TSPAN1: variants seen among roughly 807,000 people sequenced by gnomAD.
The protein encoded by TSPAN1 is tetraspanin 1.
In TSPAN1, 23 loss-of-function variants were observed where a neutral mutation model predicts 26.9. The ratio of observed to expected loss-of-function variants is 0.85; its 90% CI spans 0.62 to 1.21. The LOEUF (loss-of-function observed/expected upper bound fraction) is 1.21. TSPAN1 is among the 50% of genes most tolerant of loss of function. The pLI, the probability that TSPAN1 is intolerant of heterozygous loss-of-function variation, is 0.00. For missense variants in TSPAN1, 283 were observed against 298.4 expected (o/e 0.95, Z 0.38); for synonymous variants, 115 against 114.8 (o/e 1.00, Z -0.01).
chr1:46,185,607 TG>T lies in TSPAN1; in HGVS notation c.*79del. ...AGGCACCCTGGCAAGCAGCAGTGAT[TG>T]GGGGAGGGGACAGGATCTAACAATG... is the stretch of plus-strand genomic sequence containing the variant. On this transcript the variant is annotated 3_prime_UTR_variant, in exon 9 of 9. Transcript: ENST00000372003. 3.3e-6 allele frequency: 5 copies of T among 1,529,706 alleles called. No individual in the cohort carries two copies. Among genetic ancestry groups the T allele is most frequent in the South Asian group, 1.1e-5 (1 of 88,180 alleles). The allele number at this position is 1,529,706 out of a possible 1,614,324, so 94.8% of individuals were successfully genotyped here. A position where few individuals can be genotyped will look rare whatever the true frequency, so the allele number is the denominator to read the frequency against.
At chr1:46,187,907 A>G (rs1205111031), downstream of TSPAN1, among the ~76,000 whole-genome samples, 1 of 152,196 alleles carries the variant, frequency 6.6e-6, no homozygotes, top group African/African-American at 2.4e-5. Context: ...CTGGAGTTCC[A>G]GCTGGAGTTC....
chr1:46,189,646 C>T (rs901088791), downstream of TSPAN1: 4 of 1,558,888 alleles, frequency 2.6e-6, no homozygotes, highest in Non-Finnish European at 3.5e-6. Context: ...TTGGCCCAGC[C>T]CCCACCCCTC....
At chr1:46,177,047 A>G (rs561832903) in intron 1 of TSPAN1, among the ~76,000 whole-genome samples, 1 of 152,198 alleles carries the variant, frequency 6.6e-6, no homozygotes, top group East Asian at 1.9e-4. Context: ...TTTAATATAT[A>G]TTGTTGGCCA....
the TSPAN1 span, chr1:46,194,540 C>G: frequency 6.2e-7 from 1 of 1,614,182 alleles, no homozygotes; most frequent in Non-Finnish European, 8.5e-7. Context: ...CATCCATGCT[C>G]CACTAACTCC....
downstream of TSPAN1, chr1:46,189,139 A>G: frequency 6.7e-7 from 1 of 1,493,072 alleles, no homozygotes; most frequent in Admixed American, 2.5e-5. Context: ...GGAGTTAGTA[A>G]TTAAGTCTCA....
chr1:46,176,916 A>T (rs780875926), intron 1 of TSPAN1, among the ~76,000 whole-genome samples: 1 of 152,226 alleles, frequency 6.6e-6, no homozygotes, highest in African/African-American at 2.4e-5. Flanking sequence ...TAAAGTCGCC[A>T]CAAACACTAA....
downstream of TSPAN1, chr1:46,190,100 T>C: frequency 1.1e-6 from 1 of 892,492 alleles, no homozygotes; most frequent in Non-Finnish European, 1.5e-6. Context: ...TGAAGTTCTT[T>C]TTTTTTTTTT....
the TSPAN1 span, chr1:46,191,139 C>G: frequency 2.9e-6 from 1 of 350,532 alleles, no homozygotes; most frequent in Non-Finnish European, 5.6e-6. Flanking sequence ...AAGGGACGGG[C>G]TGGGCTGGGA....
Position 46,184,243 on chromosome 1 carries a change from C to T in TSPAN1, c.110C>T (p.Ala37Val). 4 of 1,614,194 alleles carry T rather than the reference C, an allele frequency of 2.5e-6. No individual in the cohort carries two copies. The change falls in exon 4 of 9, where the codon GCA (alanine) becomes GTA (valine). Residue 37 changes from alanine (A) to valine (V), a missense_variant. Physicochemically the swap from Ala to Val is moderately conservative, Grantham distance 64. Transcript: ENST00000372003. The stretch of plus-strand genomic sequence containing the variant: ...GGCATCTGGGTGTCAATCGATGGGG[C>T]ATCCTTTCTGAAGATCTTCGGGCCA... ...AVGIWVSIDG[A>V]SFLKIFGPLS...
At chr1:46,184,157 C>G (rs749440312) in intron 3 of TSPAN1, 34 bp from the exon 4 acceptor site, 50 of 1,611,734 alleles carry the variant, frequency 3.1e-5, no homozygotes, top group Non-Finnish European at 3.9e-5. Flanking sequence ...CTTGCCAGCA[C>G]TGTTTAAGGC....
At chr1:46,192,348 T>C in the TSPAN1 span, 1 of 1,614,160 alleles carries the variant, frequency 6.2e-7, no homozygotes, top group Non-Finnish European at 8.5e-7. Context: ...CTCCTCCTTG[T>C]ACAAGGACCT....
chr1:46,184,519 C>CCGG lies in TSPAN1; in HGVS notation c.265-75_265-74insCGG, dbSNP rs527800949. On this transcript the variant is annotated intron_variant, in intron 4 of 8. Transcript: ENST00000372003. ...GGCTCAGGCTTCTGTCTCACTTTTC[C>CCGG]GGGGGGGGGATTAGGGCAAGGAGGG... 7 of 1,561,418 alleles carry CCGG rather than the reference C, an allele frequency of 4.5e-6. No individual in the cohort carries two copies. The African/African-American group carries it at 9.5e-5, about 21-fold the overall frequency.
At chr1:46,188,661 A>C, downstream of TSPAN1, 1 of 1,563,384 alleles carries the variant, frequency 6.4e-7, no homozygotes, top group South Asian at 1.2e-5. Context: ...CCTGACACAC[A>C]AAATCACAAT....
At chr1:46,176,405 C>G (rs1198853998) in intron 1 of TSPAN1, 3 of 1,535,788 alleles carry the variant, frequency 2.0e-6, no homozygotes, top group East Asian at 2.4e-5. Flanking sequence ...CAGCCCATAC[C>G]TGGCCTGCGG....
chr1:46,184,944 C>T lies in TSPAN1; in HGVS notation c.439-16C>T, dbSNP rs780480233. The T allele has an allele frequency of 6.2e-7, 1 of 1,614,216 alleles. No homozygotes were observed. The highest frequency in any genetic ancestry group is 8.5e-7 in the Non-Finnish European group (1 of 1,180,028). ...AAAGAAGCAAGGCCCCACCTCCACC[C>T]TCATCTTGTCTCCAGCTCAAGTGCT... On this transcript the variant is annotated splice_polypyrimidine_tract_variant and intron_variant, in intron 6 of 8. Transcript: ENST00000372003.
chr1:46,177,908 A>G (rs1488189694), intron 1 of TSPAN1, among the ~76,000 whole-genome samples: 2 of 152,190 alleles, frequency 1.3e-5, no homozygotes, highest in Non-Finnish European at 1.5e-5. Context: ...GGCAGGCAGG[A>G]AGCAAATCCA....
Position 46,185,641 on chromosome 1 carries a change from G to C in TSPAN1, c.*108G>C. On this transcript the variant is annotated 3_prime_UTR_variant, in exon 9 of 9. Transcript: ENST00000372003. The stretch of plus-strand genomic sequence containing the variant: ...GGACAGGATCTAACAATGTCACTTG[G>C]GCCAGAATGGACCTGCCCTTTCTGC... 1 of 1,300,962 alleles carries C rather than the reference G, an allele frequency of 7.7e-7. No individual in the cohort carries two copies. The highest frequency in any genetic ancestry group is 1.1e-6 in the Non-Finnish European group (1 of 915,480). 80.6% of individuals were successfully genotyped at this position (1,300,962 alleles called of 1,614,324 possible).
intron 3 of TSPAN1, chr1:46,183,918 GAA>G (rs1657367099): frequency 3.8e-6 from 2 of 523,308 alleles, no homozygotes. Flanking sequence ...AGCAGTGAGG[GAA>G]AGTCTTGCCC....
chr1:46,189,229 G>C, downstream of TSPAN1: 1 of 1,595,210 alleles, frequency 6.3e-7, no homozygotes, highest in Non-Finnish European at 8.5e-7. Context: ...GCCAGCCTGG[G>C]GGTACACAGT....
Sources: allele counts gnomAD v4.1 joint callset (sites outside exome capture counted in the v4.1 genomes callset), GRCh38; gene constraint gnomAD v4.1.1; transcripts MANE v1.5; gene names NCBI Gene and HGNC (gene_info 2026-07-23, HGNC 2026-07-21).